RIN3: variants seen among roughly 807,000 people sequenced by gnomAD.
RIN3 encodes RAB5 interacting protein 3.
A neutral mutation model predicts 76.3 loss-of-function variants in RIN3; 54 were observed. The observed-to-expected ratio is 0.71, with a 90% CI of 0.57 to 0.89. The LOEUF (loss-of-function observed/expected upper bound fraction) is 0.89, where lower values mean the gene tolerates loss of function less well. RIN3 is among the 40% of genes least tolerant of loss of function. The pLI is 0.00. For synonymous variants in RIN3, 576 were observed against 564.0 expected, an observed-to-expected ratio of 1.02 and a Z score of -0.30; for missense variants, 1,256 against 1,322.1, an observed-to-expected ratio of 0.95 and a Z score of 0.78.
chr14:92,643,593 G>A lies in RIN3; in HGVS notation c.532+2264G>A, dbSNP rs1760871580. Among the ~76,000 whole-genome samples, 1 of 152,162 alleles carries A rather than the reference G, an allele frequency of 6.6e-6. No individual in the cohort carries two copies. The highest frequency in any genetic ancestry group is 1.5e-5 in the Non-Finnish European group (1 of 68,034). On this transcript the variant is annotated intron_variant, in intron 5 of 9. Coordinates refer to ENST00000216487, the MANE Select transcript of RIN3 (RefSeq NM_024832.5). This position sits in a 1 kb window ranked among gnomAD's most constrained non-coding sequence, Gnocchi z 4.8. ...GGGTTCGATGACACCGACCATTGCA[G>A]AGCACTTGGCATTGTCTTATGTCAT... is the stretch of plus-strand genomic sequence containing the variant.
At chr14:92,569,139 T>C (rs1897993539) in intron 2 of RIN3, among the ~76,000 whole-genome samples, 3 of 152,230 alleles carry the variant, frequency 2.0e-5, no homozygotes, top group Admixed American at 2.0e-4. Flanking sequence ...TCGCCTCCTC[T>C]TGCCCTGGAT....
intron 4 of RIN3, among the ~76,000 whole-genome samples, chr14:92,640,735 C>T (rs1456225893): frequency 5.3e-5 from 7 of 132,370 alleles, no homozygotes; most frequent in East Asian, 2.3e-4. Context: ...CCTGACTGTG[C>T]GTTTGCTGGG....
chr14:92,563,821 T>C (rs1897845374), intron 2 of RIN3, among the ~76,000 whole-genome samples: 1 of 152,218 alleles, frequency 6.6e-6, no homozygotes, highest in Non-Finnish European at 1.5e-5. Context: ...AATAAAGATA[T>C]TGGGCAATAT....
chr14:92,540,914 C>G (rs778423411), intron 1 of RIN3, among the ~76,000 whole-genome samples: 1 of 152,242 alleles, frequency 6.6e-6, no homozygotes, highest in Non-Finnish European at 1.5e-5. Context: ...CTGCTGCTCT[C>G]CCAGGCAGAG....
Position 92,651,909 on chromosome 14 carries a change from T to TGCCCCTGCAGCCCTGCAGCCCAGCCCA in RIN3, c.866_892dup (p.Leu289_Pro297dup). ...CGCCCACCACCCCCTCCCCCAGTGC[T>TGCCCCTGCAGCCCTGCAGCCCAGCCCA]GCCCCTGCAGCCCTGCAGCCCAGCC... is the stretch of plus-strand genomic sequence containing the variant. On this transcript the variant is annotated inframe_insertion, in exon 6 of 10. Coordinates refer to ENST00000216487, the MANE Select transcript of RIN3 (RefSeq NM_024832.5). 2 of 1,290,240 alleles carry TGCCCCTGCAGCCCTGCAGCCCAGCCCA rather than the reference T, an allele frequency of 1.6e-6. No homozygotes were observed. The highest frequency in any genetic ancestry group is 2.1e-6 in the Non-Finnish European group (2 of 968,710). The allele number at this position is 1,290,240 out of a possible 1,614,324, so 79.9% of individuals were successfully genotyped here.
At chr14:92,580,046 G>C (rs1265335437) in intron 3 of RIN3, among the ~76,000 whole-genome samples, 1 of 152,250 alleles carries the variant, frequency 6.6e-6, no homozygotes, top group African/African-American at 2.4e-5. Context: ...GCTATAAGGA[G>C]GTCTTTCCGC....
intron 2 of RIN3, among the ~76,000 whole-genome samples, chr14:92,558,882 CTTTTCTTTTTTTT>C (rs1897674853): frequency 9.1e-6 from 1 of 110,222 alleles, no homozygotes; most frequent in Non-Finnish European, 1.9e-5. Context: ...TTTTTCTTTT[CTTTTCTTTTTTTT>C]TTTTTTTTGG....
chr14:92,634,157 C>A (rs1038773100), intron 4 of RIN3, among the ~76,000 whole-genome samples: 1 of 150,640 alleles, frequency 6.6e-6, no homozygotes, highest in Non-Finnish European at 1.5e-5. Context: ...TCACTGCAAC[C>A]TCCGCCTCCT....
chr14:92,666,761 G>A (rs1054612731), intron 7 of RIN3, among the ~76,000 whole-genome samples: 1 of 152,238 alleles, frequency 6.6e-6, no homozygotes, highest in African/African-American at 2.4e-5. Flanking sequence ...TTCAAGATGG[G>A]AGGGGGAGAA....
intron 5 of RIN3, among the ~76,000 whole-genome samples, chr14:92,650,105 C>G (rs529050461): frequency 6.6e-6 from 1 of 152,340 alleles, no homozygotes; most frequent in East Asian, 1.9e-4. Flanking sequence ...ACATCAAGAG[C>G]CTGTTGTGTT....
chr14:92,635,912 T>G (rs1174759784), intron 4 of RIN3, among the ~76,000 whole-genome samples: 1 of 152,188 alleles, frequency 6.6e-6, no homozygotes, highest in Non-Finnish European at 1.5e-5. Context: ...AATTCGTTCT[T>G]TGCAGCACAA....
chr14:92,547,441 C>T (rs761687590), intron 1 of RIN3, among the ~76,000 whole-genome samples: 20 of 149,758 alleles, frequency 1.3e-4, no homozygotes, highest in Non-Finnish European at 2.8e-4. Flanking sequence ...GTCACCCAGG[C>T]TGGAGTGCAG....
chr14:92,578,936 T>A (rs1169199453), intron 3 of RIN3, among the ~76,000 whole-genome samples: 3 of 152,038 alleles, frequency 2.0e-5, no homozygotes, highest in Non-Finnish European at 4.4e-5. Flanking sequence ...TTCTTTTCTT[T>A]TTTTTTTTGA....
chr14:92,610,093 C>T (rs1354988577), intron 3 of RIN3, among the ~76,000 whole-genome samples: 8 of 152,130 alleles, frequency 5.3e-5, no homozygotes, highest in Non-Finnish European at 1.2e-4. Context: ...AATTCGATGG[C>T]TTTTAGTGTA....
intron 1 of RIN3, among the ~76,000 whole-genome samples, chr14:92,549,735 G>A (rs750523385): frequency 5.3e-5 from 8 of 152,220 alleles, no homozygotes; most frequent in Admixed American, 1.3e-4. Context: ...CTGGCACTGC[G>A]TCTGGCAGGG....
chr14:92,672,583 C>A (rs1023628005), intron 7 of RIN3, among the ~76,000 whole-genome samples: 2 of 152,134 alleles, frequency 1.3e-5, no homozygotes, highest in African/African-American at 4.8e-5. Context: ...AGGGGAGACA[C>A]TTGCCTTAGG....
intron 1 of RIN3, among the ~76,000 whole-genome samples, chr14:92,546,959 TAAG>T (rs1897279363): frequency 6.7e-6 from 1 of 150,246 alleles, no homozygotes; most frequent in African/African-American, 2.4e-5. Context: ...ATTGTACAAA[TAAG>T]AAACTGTTTA....
chr14:92,516,622 C>G (rs1275798418), intron 1 of RIN3, among the ~76,000 whole-genome samples: 3 of 152,180 alleles, frequency 2.0e-5, no homozygotes, highest in Admixed American at 1.3e-4. Context: ...CTCCTGCCCC[C>G]CCACCCCGAG....
intron 4 of RIN3, among the ~76,000 whole-genome samples, chr14:92,622,307 G>A (rs781685524): frequency 6.6e-6 from 1 of 152,122 alleles, no homozygotes; most frequent in South Asian, 2.1e-4. Flanking sequence ...CTGACCTTAG[G>A]TGGGCACTGG....
Sources: allele counts gnomAD v4.1 joint callset (sites outside exome capture counted in the v4.1 genomes callset), GRCh38; gene constraint gnomAD v4.1.1; non-coding constraint Gnocchi (gnomAD v3.1); transcripts MANE v1.5; gene names NCBI Gene and HGNC (gene_info 2026-07-23, HGNC 2026-07-21).